The following TIGIT variants were observed in gnomAD, a reference collection of about 807,000 sequenced individuals.
The protein encoded by TIGIT is T-cell immunoreceptor with Ig and ITIM domains.
Under a neutral mutation model 19.6 loss-of-function variants are expected in TIGIT, and 11 were observed. The ratio of observed to expected loss-of-function variants is 0.56; its 90% CI spans 0.35 to 0.93. The LOEUF is 0.93. Ranked by LOEUF, TIGIT falls within the 40% of genes least tolerant of loss-of-function variation. The pLI, the probability that TIGIT is intolerant of heterozygous loss-of-function variation, is 0.01. For synonymous variants in TIGIT, 130 were observed against 125.5 expected, an observed-to-expected ratio of 1.04 and a Z score of -0.24; for missense variants, 295 against 303.9, an observed-to-expected ratio of 0.97 and a Z score of 0.22.
In TIGIT at chr3:114,299,043, C is replaced by T. The variant is rs370151976; in HGVS notation, c.392-554C>T. On this transcript the variant is annotated intron_variant, in intron 2 of 3. Transcript: ENST00000383671. ...CAAATATTTATATTTACTGAGCATT[C>T]GCTATGTGTCAGATGCTGAGAAAAC... Among the ~76,000 whole-genome samples, 64 of 152,324 alleles carry T rather than the reference C, an allele frequency of 4.2e-4. 1 individual carries two copies. The highest frequency in any genetic ancestry group is 3.5e-3 in the South Asian group (17 of 4,830).
intron 2 of TIGIT, among the ~76,000 whole-genome samples, chr3:114,297,370 G>GTAA (rs2078461799): frequency 6.6e-6 from 1 of 152,194 alleles, no homozygotes; most frequent in African/African-American, 2.4e-5. Flanking sequence ...TGCTAGATAG[G>GTAA]TAATAAGCTT....
intron 3 of TIGIT, among the ~76,000 whole-genome samples, chr3:114,303,675 T>C (rs1415616563): frequency 6.7e-6 from 1 of 149,650 alleles, no homozygotes; most frequent in Non-Finnish European, 1.5e-5. Flanking sequence ...TACAATTTCT[T>C]TATCCACTCA....
chr3:114,300,670 G>A (rs1293882952), intron 3 of TIGIT, among the ~76,000 whole-genome samples: 2 of 152,176 alleles, frequency 1.3e-5, no homozygotes, highest in African/African-American at 4.8e-5. Context: ...TGGTTCTGGA[G>A]GCTGGGAAGT....
Position 114,299,715 on chromosome 3 carries a change from G to T in TIGIT, c.498+12G>T. 19 of 1,583,202 alleles carry T rather than the reference G, an allele frequency of 1.2e-5. No individual in the cohort carries two copies. The highest frequency in any genetic ancestry group is 1.6e-5 in the Non-Finnish European group (19 of 1,155,104). On this transcript the variant is annotated intron_variant, in intron 3 of 3. Transcript: ENST00000383671. ...CGTTGACTAGAAAGGTAATGGCTCCGGCTGCACACCGCAGTCATGGGCACC... is the reference window on the plus strand; with the variant it reads ...CGTTGACTAGAAAGGTAATGGCTCCTGCTGCACACCGCAGTCATGGGCACC...
chr3:114,307,959 A>T lies in TIGIT; in HGVS notation c.563A>T (p.Glu188Val). Residue 188 changes from glutamate to valine, a missense_variant, in exon 4 of 4, where the codon GAA (glutamate) becomes GTA (valine). Transcript: ENST00000383671. ...DLRRKSAGQE[E>V]WSPSAPSPPG... ...AGGAGAAAATCAGCTGGACAGGAGG[A>T]ATGGAGCCCCAGTGCTCCCTCACCC... 6.2e-7 allele frequency: 1 copy of T among 1,614,132 alleles called. No homozygotes were observed. The highest frequency in any genetic ancestry group is 8.5e-7 in the Non-Finnish European group (1 of 1,180,032).
At chr3:114,306,246 G>T (rs990029190) in intron 3 of TIGIT, among the ~76,000 whole-genome samples, 6 of 152,200 alleles carry the variant, frequency 3.9e-5, no homozygotes, top group African/African-American at 4.8e-5. Context: ...AGGCCTCCAG[G>T]TGAGTGGATG....
At chr3:114,302,675 A>G (rs943684122) in intron 3 of TIGIT, among the ~76,000 whole-genome samples, 1 of 152,212 alleles carries the variant, frequency 6.6e-6, no homozygotes, top group African/African-American at 2.4e-5. Flanking sequence ...CTCCTATTTT[A>G]GCCCTAGCCT....
chr3:114,300,588 G>T (rs1441181899), intron 3 of TIGIT, among the ~76,000 whole-genome samples: 1 of 152,124 alleles, frequency 6.6e-6, no homozygotes, highest in East Asian at 1.9e-4. Flanking sequence ...ATTTGTCTTA[G>T]TCTATTTTCT....
At chr3:114,298,247 TG>T (rs2078467802) in intron 2 of TIGIT, among the ~76,000 whole-genome samples, 1 of 152,216 alleles carries the variant, frequency 6.6e-6, no homozygotes, top group Non-Finnish European at 1.5e-5. Context: ...TAACTGTGAA[TG>T]GAGACATTGG....
At chr3:114,296,869 G>T (rs1254451390) in intron 2 of TIGIT, among the ~76,000 whole-genome samples, 1 of 148,106 alleles carries the variant, frequency 6.8e-6, no homozygotes, top group Non-Finnish European at 1.5e-5. Context: ...TTACCTTAAA[G>T]TTTCCTTTCA....
At chr3:114,306,489 TCAGA>T (rs3995899) in intron 3 of TIGIT, among the ~76,000 whole-genome samples, 41,392 of 151,914 alleles carry the variant, frequency 0.27, 6,517 homozygotes, top group Middle Eastern at 0.38. Flanking sequence ...TTCTTTGGAA[TCAGA>T]CAGTCCTAGG....
chr3:114,309,716 C>T lies in TIGIT; in HGVS notation c.*1585C>T, dbSNP rs2107958322. 1 of 152,094 alleles carries T rather than the reference C, an allele frequency of 6.6e-6. No individual in the cohort carries two copies. Among genetic ancestry groups the T allele is most frequent in the African/African-American group, 2.4e-5 (1 of 41,496 alleles). 9.4% of individuals were successfully genotyped at this position (152,094 alleles called of 1,614,324 possible). ...GTGGCAGTTTACAGCATTTTTCTTG[C>T]AAAATTAGTGCAAATCTGTTGGAAA... On this transcript the variant is annotated 3_prime_UTR_variant, in exon 4 of 4. Transcript: ENST00000383671.
intron 3 of TIGIT, among the ~76,000 whole-genome samples, chr3:114,306,777 A>G (rs934152749): frequency 9.8e-6 from 1 of 102,534 alleles, no homozygotes; most frequent in Non-Finnish European, 2.2e-5. Flanking sequence ...TAGTGAAATT[A>G]TGGATTTTCT....
intron 3 of TIGIT, among the ~76,000 whole-genome samples, chr3:114,302,487 C>A (rs1323960983): frequency 2.6e-5 from 4 of 152,222 alleles, no homozygotes; most frequent in Non-Finnish European, 2.9e-5. Flanking sequence ...CCAGCTGTAT[C>A]TCTCCTGGGC....
chr3:114,302,793 T>C (rs1235650568), intron 3 of TIGIT, among the ~76,000 whole-genome samples: 1 of 152,218 alleles, frequency 6.6e-6, no homozygotes, highest in Non-Finnish European at 1.5e-5. Flanking sequence ...TTTTTCCCCT[T>C]TATTGTTGCT....
intron 3 of TIGIT, 65 bp downstream of exon 3, chr3:114,299,768 G>C: frequency 9.2e-7 from 1 of 1,083,968 alleles, no homozygotes; most frequent in African/African-American, 1.5e-5. Flanking sequence ...GGTCCTTTCA[G>C]GTTCTCTTTC....
chr3:114,306,113 A>C (rs559293544), intron 3 of TIGIT, among the ~76,000 whole-genome samples: 1 of 152,298 alleles, frequency 6.6e-6, no homozygotes, highest in South Asian at 2.1e-4. Flanking sequence ...CACTGGTTTA[A>C]GTCCTGGAGT....
intron 3 of TIGIT, among the ~76,000 whole-genome samples, chr3:114,307,203 G>T (rs886158063): frequency 1.3e-5 from 2 of 152,198 alleles, no homozygotes; most frequent in Non-Finnish European, 2.9e-5. Flanking sequence ...TGATGGTGTC[G>T]TTTGAGACAA....
intron 2 of TIGIT, among the ~76,000 whole-genome samples, chr3:114,298,196 G>A (rs1256409598): frequency 6.6e-6 from 1 of 152,188 alleles, no homozygotes; most frequent in Non-Finnish European, 1.5e-5. Context: ...ACTCAGGGCT[G>A]CTTCTGTTTC....
Sources: gnomAD v4.1 joint callset for allele counts (sites outside exome capture counted in the v4.1 genomes callset) on GRCh38, gnomAD v4.1.1 for gene constraint, MANE v1.5 for transcripts, NCBI Gene and HGNC (gene_info 2026-07-23, HGNC 2026-07-21) for gene names.